Variants in CIRSR observed in about 807,000 individuals in gnomAD.
CIRSR encodes CBF1 (RBPJ) interacting corepressor 1.
At chr2:174,350,845 C>CA in the CIRSR span, 41 of 840,544 alleles carry the variant, frequency 4.9e-5, no homozygotes, top group Middle Eastern at 6.9e-4. Context: ...ATCAGGGACA[C>CA]ACTGTAGATG....
the CIRSR span, among the ~76,000 whole-genome samples, chr2:174,393,258 A>G: frequency 6.6e-6 from 1 of 152,226 alleles, no homozygotes; most frequent in Non-Finnish European, 1.5e-5. Context: ...CTTCATTAAC[A>G]AAATCAAGAA....
chr2:174,356,518 A>AGGAAG, the CIRSR span, among the ~76,000 whole-genome samples: 2 of 74,534 alleles, frequency 2.7e-5, no homozygotes, highest in Non-Finnish European at 6.2e-5. Flanking sequence ...GAAGGAAGAA[A>AGGAAG]GAAAGAAAGA....
At chr2:174,381,058 T>G in the CIRSR span, among the ~76,000 whole-genome samples, 1 of 152,188 alleles carries the variant, frequency 6.6e-6, no homozygotes, top group African/African-American at 2.4e-5. Flanking sequence ...TCATTGACAG[T>G]GAATATTATG....
chr2:174,379,930 G>A, the CIRSR span, among the ~76,000 whole-genome samples: 11 of 151,524 alleles, frequency 7.3e-5, no homozygotes, highest in East Asian at 3.9e-4. Context: ...TCACCATGTC[G>A]GCCTGGCTGG....
At chr2:174,387,436 C>A in the CIRSR span, 1 of 317,578 alleles carries the variant, frequency 3.1e-6, no homozygotes, top group South Asian at 4.6e-5. Flanking sequence ...CTAAGCTTTG[C>A]CTAATTTGAG....
At chr2:174,394,906 A>G in the CIRSR span, among the ~76,000 whole-genome samples, 3 of 152,194 alleles carry the variant, frequency 2.0e-5, no homozygotes, top group Non-Finnish European at 4.4e-5. Flanking sequence ...ATCATCCTTA[A>G]TTTACAGATT....
At chr2:174,374,721 A>T in the CIRSR span, among the ~76,000 whole-genome samples, 1 of 152,300 alleles carries the variant, frequency 6.6e-6, no homozygotes, top group South Asian at 2.1e-4. Flanking sequence ...TGTGTGCTTA[A>T]CCGCTAAGTA....
the CIRSR span, among the ~76,000 whole-genome samples, chr2:174,352,626 A>G: frequency 6.6e-6 from 1 of 152,212 alleles, no homozygotes; most frequent in Non-Finnish European, 1.5e-5. Flanking sequence ...GCCCTCAAAC[A>G]TAAGGTTTAT....
chr2:174,394,174 C>T, the CIRSR span, among the ~76,000 whole-genome samples: 2 of 152,106 alleles, frequency 1.3e-5, no homozygotes, highest in South Asian at 2.1e-4. Context: ...AAAGCTGATA[C>T]ATTGAAATTT....
chr2:174,362,800 T>C, the CIRSR span, among the ~76,000 whole-genome samples: 4 of 151,612 alleles, frequency 2.6e-5, 1 homozygote, highest in Admixed American at 2.6e-4. Context: ...GTATTATAGC[T>C]TGCTGGAATG....
the CIRSR span, among the ~76,000 whole-genome samples, chr2:174,379,990 T>C: frequency 6.6e-6 from 1 of 152,102 alleles, no homozygotes; most frequent in East Asian, 1.9e-4. Flanking sequence ...CCCAAAGCGC[T>C]GAAATTACAG....
the CIRSR span, chr2:174,351,906 T>C: frequency 4.5e-6 from 2 of 441,138 alleles, no homozygotes; most frequent in Non-Finnish European, 8.0e-6. Context: ...AGATTCAGAA[T>C]AGAAAATAAT....
At chr2:174,363,250 T>C in the CIRSR span, among the ~76,000 whole-genome samples, 1 of 152,194 alleles carries the variant, frequency 6.6e-6, no homozygotes, top group Non-Finnish European at 1.5e-5. Context: ...TACTACCACA[T>C]CAGGAGCATT....
At chr2:174,365,019 G>A in the CIRSR span, among the ~76,000 whole-genome samples, 1 of 152,032 alleles carries the variant, frequency 6.6e-6, no homozygotes, top group Non-Finnish European at 1.5e-5. Context: ...ATATTGTCAG[G>A]CTGCAAATTT....
chr2:174,358,912 A>G, the CIRSR span, among the ~76,000 whole-genome samples: 5 of 151,834 alleles, frequency 3.3e-5, no homozygotes, highest in South Asian at 2.1e-4. Context: ...GAGGTTCACC[A>G]TATCGGCCAG....
chr2:174,356,671 C>T, the CIRSR span, among the ~76,000 whole-genome samples: 1 of 152,056 alleles, frequency 6.6e-6, no homozygotes, highest in African/African-American at 2.4e-5. Context: ...GCCTGTCTCT[C>T]CTTCTCCCAA....
chr2:174,388,357 C>T, the CIRSR span, among the ~76,000 whole-genome samples: 1 of 152,126 alleles, frequency 6.6e-6, no homozygotes, highest in African/African-American at 2.4e-5. Flanking sequence ...TGCCACCACA[C>T]CAAACTAATT....
At chr2:174,350,881 G>T in the CIRSR span, 1 of 659,762 alleles carries the variant, frequency 1.5e-6, no homozygotes, top group Non-Finnish European at 2.4e-6. Flanking sequence ...ATTGGGAAGT[G>T]GGAGAGAATT....
At chr2:174,374,489 T>G in the CIRSR span, among the ~76,000 whole-genome samples, 1 of 152,226 alleles carries the variant, frequency 6.6e-6, no homozygotes, top group African/African-American at 2.4e-5. Context: ...ACTTACTGGC[T>G]GATGTGCAAG....
Sources: allele counts gnomAD v4.1 joint callset (sites outside exome capture counted in the v4.1 genomes callset), GRCh38; gene constraint gnomAD v4.1.1; transcripts MANE v1.5; gene names NCBI Gene and HGNC (gene_info 2026-07-23, HGNC 2026-07-21).